The following DOCK3 variants were observed in gnomAD, a reference collection of about 807,000 sequenced individuals.
DOCK3 encodes the protein dedicator of cytokinesis 3.
DOCK3 carries 60 observed loss-of-function variants against 265.6 expected under a neutral mutation model. The ratio of observed to expected loss-of-function variants is 0.23; its 90% CI spans 0.18 to 0.28. DOCK3 has a LOEUF of 0.28. DOCK3 is among the 10% of genes least tolerant of loss of function. DOCK3 has a pLI of 1.00. For missense variants in DOCK3, 1,981 were observed against 2,594.3 expected (o/e 0.76, Z 5.14); for synonymous variants, 881 against 938.0 (o/e 0.94, Z 1.11).
intron 1 of DOCK3, among the ~76,000 whole-genome samples, chr3:50,710,198 G>A (rs991864066): frequency 6.6e-6 from 1 of 152,090 alleles, no homozygotes; most frequent in Non-Finnish European, 1.5e-5. Context: ...CTTTTGTACA[G>A]CAAAAGAAAT....
At chr3:51,337,241 A>G (rs1383463613) in intron 35 of DOCK3, among the ~76,000 whole-genome samples, 1 of 152,212 alleles carries the variant, frequency 6.6e-6, no homozygotes, top group Non-Finnish European at 1.5e-5. Flanking sequence ...TGAGAGGAGT[A>G]TGGATTTTCA....
intron 24 of DOCK3, among the ~76,000 whole-genome samples, chr3:51,273,748 C>G (rs1335801180): frequency 1.3e-5 from 2 of 152,186 alleles, no homozygotes; most frequent in African/African-American, 2.4e-5. Context: ...TCATATGGAA[C>G]TCTTAACAAA....
At chr3:51,018,434 C>CA (rs2079447671) in intron 5 of DOCK3, among the ~76,000 whole-genome samples, 1 of 68,094 alleles carries the variant, frequency 1.5e-5, no homozygotes, top group Admixed American at 1.8e-4. Flanking sequence ...ACTATCTCCA[C>CA]AAAAAAGTTT....
intron 5 of DOCK3, among the ~76,000 whole-genome samples, chr3:50,948,178 T>C (rs1028011400): frequency 3.3e-5 from 5 of 151,106 alleles, no homozygotes; most frequent in Admixed American, 6.6e-5. Context: ...TGCCTTGGCC[T>C]CCCGAGTAGC....
intron 4 of DOCK3, among the ~76,000 whole-genome samples, chr3:50,931,534 A>G (rs762055034): frequency 2.0e-5 from 3 of 152,198 alleles, no homozygotes; most frequent in Non-Finnish European, 4.4e-5. Context: ...GAAATAAAGG[A>G]TGTCTTCTCA....
chr3:51,122,286 C>T (rs1461104788), intron 9 of DOCK3, among the ~76,000 whole-genome samples: 1 of 152,080 alleles, frequency 6.6e-6, no homozygotes, highest in Non-Finnish European at 1.5e-5. Context: ...TTAAGACCAG[C>T]TTGGGCAACA....
At chr3:50,698,400 T>C (rs2035776849) in intron 1 of DOCK3, among the ~76,000 whole-genome samples, 1 of 152,012 alleles carries the variant, frequency 6.6e-6, no homozygotes, top group Non-Finnish European at 1.5e-5. Flanking sequence ...ATATACTATA[T>C]TTGTCCATTT....
intron 5 of DOCK3, among the ~76,000 whole-genome samples, chr3:50,998,735 T>C (rs976106724): frequency 6.6e-6 from 1 of 152,236 alleles, no homozygotes; most frequent in African/African-American, 2.4e-5. Flanking sequence ...TATTATGTTA[T>C]GGCTTTTTCA....
intron 5 of DOCK3, among the ~76,000 whole-genome samples, chr3:51,041,200 ATATATTTTTTTT>A (rs2080511992): frequency 1.6e-4 from 2 of 12,382 alleles, no homozygotes; most frequent in African/African-American, 1.0e-3. Flanking sequence ...ATATATATAT[ATATATTTTTTTT>A]TTTTTTTTTT....
At chr3:51,160,533 G>C (rs771632923) in intron 11 of DOCK3, 22 bp from the exon 12 acceptor site, 1 of 1,592,160 alleles carries the variant, frequency 6.3e-7, no homozygotes, top group Admixed American at 1.8e-5. Flanking sequence ...CAGTCTGACT[G>C]GTGTTTTCTG....
intron 19 of DOCK3, among the ~76,000 whole-genome samples, chr3:51,236,055 T>C (rs1349651674): frequency 6.6e-6 from 1 of 152,226 alleles, no homozygotes; most frequent in Non-Finnish European, 1.5e-5. Flanking sequence ...AGGTGTCCTA[T>C]GGTTTTTAGG....
chr3:51,333,502 A>G (rs6445628), intron 35 of DOCK3, among the ~76,000 whole-genome samples: 132,689 of 152,120 alleles, frequency 0.87, 57,966 homozygotes, highest in East Asian at 0.94. Context: ...GAGGGATCTC[A>G]GGGACATGTA....
At chr3:51,294,468 G>A (rs146057093) in intron 27 of DOCK3, among the ~76,000 whole-genome samples, 106 of 152,242 alleles carry the variant, frequency 7.0e-4, no homozygotes, top group Middle Eastern at 6.8e-3. Context: ...CACGAGGTCA[G>A]GAGATCGAGA....
At chr3:51,338,834 TC>T in intron 36 of DOCK3, 100 bp from the exon 37 acceptor site, 2 of 970,548 alleles carry the variant, frequency 2.1e-6, no homozygotes, top group Non-Finnish European at 3.2e-6. Flanking sequence ...GGGCCTGCCC[TC>T]CCCCTCCTGC....
intron 1 of DOCK3, among the ~76,000 whole-genome samples, chr3:50,709,952 T>C (rs2036650328): frequency 6.6e-6 from 1 of 152,108 alleles, no homozygotes; most frequent in African/African-American, 2.4e-5. Context: ...TAGTTCTAGA[T>C]AGATGAGAGG....
intron 5 of DOCK3, among the ~76,000 whole-genome samples, chr3:50,967,223 T>G (rs1163538761): frequency 6.6e-6 from 1 of 152,224 alleles, no homozygotes; most frequent in Non-Finnish European, 1.5e-5. Flanking sequence ...TGTGCCTCCA[T>G]GAGATCCACT....
At chr3:50,687,524 G>T (rs1169161281) in intron 1 of DOCK3, among the ~76,000 whole-genome samples, 2 of 152,226 alleles carry the variant, frequency 1.3e-5, no homozygotes, top group Non-Finnish European at 2.9e-5. Context: ...TCTCACTTCT[G>T]TGTGTAAGAG....
At chr3:51,321,264 A>G (rs1444264914) in intron 32 of DOCK3, among the ~76,000 whole-genome samples, 1 of 152,264 alleles carries the variant, frequency 6.6e-6, no homozygotes, top group Non-Finnish European at 1.5e-5. Context: ...ACTAACAAAC[A>G]GAAAGGAATA....
intron 5 of DOCK3, among the ~76,000 whole-genome samples, chr3:50,936,814 T>G (rs1481128026): frequency 6.6e-6 from 1 of 152,130 alleles, no homozygotes; most frequent in East Asian, 1.9e-4. Flanking sequence ...ATAAAGGAAG[T>G]TGTTCAGAAA....
Sources: allele counts gnomAD v4.1 joint callset (sites outside exome capture counted in the v4.1 genomes callset), GRCh38; gene constraint gnomAD v4.1.1; transcripts MANE v1.5; gene names NCBI Gene and HGNC (gene_info 2026-07-23, HGNC 2026-07-21).